Variants in SLC14A2 observed in about 807,000 individuals in gnomAD.
SLC14A2 encodes solute carrier family 14 member 2.
Under a neutral mutation model 104.6 loss-of-function variants are expected in SLC14A2, and 91 were observed. That is an observed-to-expected ratio of 0.87 (90% CI 0.73 to 1.04). SLC14A2 has a LOEUF of 1.04. Ranked by LOEUF, SLC14A2 falls within the 50% of genes least tolerant of loss-of-function variation. The pLI is 0.00. For synonymous variants in SLC14A2, 476 were observed against 466.4 expected (o/e 1.02, Z -0.27); for missense variants, 1,189 against 1,156.0 (o/e 1.03, Z -0.41).
chr18:45,600,365 C>A (rs1423714759), intron 2 of SLC14A2, among the ~76,000 whole-genome samples: 1 of 152,104 alleles, frequency 6.6e-6, no homozygotes, highest in Non-Finnish European at 1.5e-5. Flanking sequence ...CCACTGGCCA[C>A]CAGGTCCCCC....
intron 4 of SLC14A2, among the ~76,000 whole-genome samples, chr18:45,627,596 G>T (rs2045280220): frequency 6.6e-6 from 1 of 152,208 alleles, no homozygotes; most frequent in Non-Finnish European, 1.5e-5. Context: ...GGCGAGGAGA[G>T]AGAGGAGGAC....
At chr18:45,537,201 T>C (rs1234861180) in intron 2 of SLC14A2, among the ~76,000 whole-genome samples, 1 of 151,612 alleles carries the variant, frequency 6.6e-6, no homozygotes, top group Non-Finnish European at 1.5e-5. Flanking sequence ...AACAACAAAA[T>C]ACCTGCTCTC....
At chr18:45,338,114 C>G (rs1337389061) in intron 1 of SLC14A2, among the ~76,000 whole-genome samples, 1 of 152,168 alleles carries the variant, frequency 6.6e-6, no homozygotes, top group East Asian at 1.9e-4. Context: ...AACCAATTGC[C>G]AGTCAGAAAA....
At chr18:45,255,991 T>C (rs1238908624) in intron 1 of SLC14A2, among the ~76,000 whole-genome samples, 3 of 152,158 alleles carry the variant, frequency 2.0e-5, no homozygotes, top group Admixed American at 6.5e-5. Context: ...CAGCCTTTCA[T>C]AATTGGGGCA....
At chr18:45,568,708 A>G (rs1437385245) in intron 2 of SLC14A2, among the ~76,000 whole-genome samples, 1 of 152,228 alleles carries the variant, frequency 6.6e-6, no homozygotes, top group Non-Finnish European at 1.5e-5. Flanking sequence ...CCTGAATGAC[A>G]ATACGAAGTA....
At chr18:45,475,932 C>T (rs1237671925) in intron 1 of SLC14A2, among the ~76,000 whole-genome samples, 2 of 151,812 alleles carry the variant, frequency 1.3e-5, no homozygotes, top group African/African-American at 4.8e-5. Flanking sequence ...ACTCTTTATC[C>T]AATTTTCCAG....
chr18:45,633,273 A>G (rs989049320), intron 5 of SLC14A2, among the ~76,000 whole-genome samples: 5 of 152,300 alleles, frequency 3.3e-5, no homozygotes, highest in Non-Finnish European at 2.9e-5. Flanking sequence ...TTGCATGGGA[A>G]TTGTCTATTA....
At chr18:45,328,708 A>G (rs1274804247) in intron 1 of SLC14A2, among the ~76,000 whole-genome samples, 1 of 152,198 alleles carries the variant, frequency 6.6e-6, no homozygotes, top group Non-Finnish European at 1.5e-5. Flanking sequence ...CTTAACACTA[A>G]AGATGGGAGC....
chr18:45,267,175 TGTAGAGTCACGTTTTCAAACATGAG>T (rs2084600808), intron 1 of SLC14A2, among the ~76,000 whole-genome samples: 1 of 152,160 alleles, frequency 6.6e-6, no homozygotes, highest in South Asian at 2.1e-4. Context: ...AGGCCTGTCC[TGTAGAGTCACGTTTTCAAACATGAG>T]GTAGGTGGGT....
At chr18:45,404,524 G>T (rs779580196) in intron 1 of SLC14A2, among the ~76,000 whole-genome samples, 1 of 152,102 alleles carries the variant, frequency 6.6e-6, no homozygotes, top group Non-Finnish European at 1.5e-5. Flanking sequence ...ATGGCATAAT[G>T]CAATAATTCT....
chr18:45,334,770 AC>A (rs1189950030), intron 1 of SLC14A2, among the ~76,000 whole-genome samples: 3 of 152,194 alleles, frequency 2.0e-5, no homozygotes, highest in African/African-American at 7.2e-5. Flanking sequence ...AGCCTGCAGC[AC>A]AGGTAGCCCT....
rs981550591 is a variant in SLC14A2, at chr18:45,658,474, G to A, written c.1352-5311G>A. On this transcript the variant is annotated intron_variant, in intron 10 of 19. Coordinates refer to ENST00000255226, the MANE Select transcript of SLC14A2 (RefSeq NM_007163.4). ...CTCACACCTGTAGTCCCAGCTACTC[G>A]GGAGGCTGAGACAGGAGAATTGCTT... Among the ~76,000 whole-genome samples, 8 of 151,964 alleles carry A rather than the reference G, an allele frequency of 5.3e-5. No homozygotes were observed. In the East Asian group the frequency reaches 1.5e-3, roughly 29 times the overall value.
At chr18:45,362,044 G>C (rs965389022) in intron 1 of SLC14A2, among the ~76,000 whole-genome samples, 3 of 152,184 alleles carry the variant, frequency 2.0e-5, no homozygotes, top group African/African-American at 7.2e-5. Flanking sequence ...GGAGGTGATT[G>C]GATTATGGGG....
chr18:45,194,015 T>A, the SLC14A2 span, among the ~76,000 whole-genome samples: 1 of 152,214 alleles, frequency 6.6e-6, no homozygotes, highest in African/African-American at 2.4e-5. Flanking sequence ...TATTATTTGG[T>A]AATAGATAGA....
intron 2 of SLC14A2, among the ~76,000 whole-genome samples, chr18:45,554,874 CT>C (rs2044110705): frequency 6.6e-6 from 1 of 152,158 alleles, no homozygotes; most frequent in East Asian, 1.9e-4. Flanking sequence ...AGGGCTGATC[CT>C]TTTTATATTA....
intron 1 of SLC14A2, among the ~76,000 whole-genome samples, chr18:45,386,462 G>A (rs1775255603): frequency 6.6e-6 from 1 of 152,138 alleles, no homozygotes; most frequent in South Asian, 2.1e-4. Flanking sequence ...AAGGCACACG[G>A]CGCCCCCTAA....
At chr18:45,179,036 G>A in the SLC14A2 span, among the ~76,000 whole-genome samples, 1 of 152,134 alleles carries the variant, frequency 6.6e-6, no homozygotes, top group Non-Finnish European at 1.5e-5. Flanking sequence ...GACAGATATA[G>A]GTAAACAGTC....
intron 1 of SLC14A2, among the ~76,000 whole-genome samples, chr18:45,249,452 C>T (rs946457263): frequency 4.0e-5 from 6 of 151,676 alleles, no homozygotes; most frequent in Non-Finnish European, 8.8e-5. Context: ...ATTCTTGAAA[C>T]AACTATTATA....
At chr18:45,247,453 C>T (rs908966477) in intron 1 of SLC14A2, among the ~76,000 whole-genome samples, 2 of 152,136 alleles carry the variant, frequency 1.3e-5, no homozygotes, top group Non-Finnish European at 2.9e-5. Context: ...GGGTTCTGGC[C>T]TCAGTTACTT....
Sources: allele counts gnomAD v4.1 joint callset (sites outside exome capture counted in the v4.1 genomes callset), GRCh38; gene constraint gnomAD v4.1.1; transcripts MANE v1.5; gene names NCBI Gene and HGNC (gene_info 2026-07-23, HGNC 2026-07-21).